CDH18: variants seen among roughly 807,000 people sequenced by gnomAD.
The protein encoded by CDH18 is cadherin-18.
In CDH18, 31 loss-of-function variants were observed where a neutral mutation model predicts 67.9. The observed-to-expected ratio is 0.46, with a 90% CI of 0.34 to 0.62. CDH18 has a LOEUF of 0.62. Ranked by LOEUF, CDH18 falls within the 20% of genes least tolerant of loss-of-function variation. The pLI is 0.01. For missense variants in CDH18, 890 were observed against 975.5 expected (o/e 0.91, Z 1.17); for synonymous variants, 362 against 347.2 (o/e 1.04, Z -0.48).
intron 5 of CDH18, among the ~76,000 whole-genome samples, chr5:19,685,535 G>T (rs1291284349): frequency 6.6e-6 from 1 of 152,158 alleles, no homozygotes; most frequent in Non-Finnish European, 1.5e-5. Flanking sequence ...ACTGATGTGT[G>T]GGAAAATATT....
chr5:20,357,969 A>G (rs1199920807), intron 1 of CDH18, among the ~76,000 whole-genome samples: 1 of 152,236 alleles, frequency 6.6e-6, no homozygotes, highest in Non-Finnish European at 1.5e-5. Context: ...CTATGCAGCC[A>G]TAAAAAATGA....
intron 2 of CDH18, among the ~76,000 whole-genome samples, chr5:20,091,451 C>T (rs1374262624): frequency 6.6e-6 from 1 of 152,088 alleles, no homozygotes; most frequent in African/African-American, 2.4e-5. Context: ...TAATTGGGCT[C>T]CAGCCTGACT....
chr5:20,216,978 G>A lies in CDH18; in HGVS notation c.-518+38466C>T, dbSNP rs1277838225. 1.1e-4 allele frequency among the ~76,000 whole-genome samples: 16 copies of A among 151,732 alleles called. No individual in the cohort carries two copies. The South Asian group carries it at 3.3e-3, about 31-fold the overall frequency. On this transcript the variant is annotated intron_variant, in intron 2 of 14. Coordinates refer to the CDH18 transcript ENST00000507958. Reference sequence around the variant, plus strand: ...CTTATTAGCCAGAAAAAAGTGGCATGACATATTTAAAGTGCTAAAGGAAAA... The same window carrying A: ...CTTATTAGCCAGAAAAAAGTGGCATAACATATTTAAAGTGCTAAAGGAAAA...
At chr5:19,474,396 A>T (rs1579652422) in intron 12 of CDH18, among the ~76,000 whole-genome samples, 1 of 152,134 alleles carries the variant, frequency 6.6e-6, no homozygotes. Context: ...TTATTTATTT[A>T]ATTCTCACAG....
chr5:20,503,667 A>G (rs1754472310), intron 1 of CDH18, among the ~76,000 whole-genome samples: 1 of 152,240 alleles, frequency 6.6e-6, no homozygotes, highest in Non-Finnish European at 1.5e-5. Context: ...TTATCATTAT[A>G]TGCAGCCAAT....
chr5:19,919,540 G>A (rs966362339), intron 2 of CDH18, among the ~76,000 whole-genome samples: 4 of 152,162 alleles, frequency 2.6e-5, no homozygotes, highest in African/African-American at 9.7e-5. Context: ...TCCAGTTGAT[G>A]TTTGCAAAGG....
At chr5:19,572,934 A>C (rs1741694126) in intron 7 of CDH18, among the ~76,000 whole-genome samples, 1 of 152,170 alleles carries the variant, frequency 6.6e-6, no homozygotes, top group Admixed American at 6.5e-5. Flanking sequence ...ATTGCCTTGG[A>C]AAATTGGCCT....
At chr5:20,046,963 C>T (rs1156477841) in intron 2 of CDH18, among the ~76,000 whole-genome samples, 1 of 151,814 alleles carries the variant, frequency 6.6e-6, no homozygotes, top group African/African-American at 2.4e-5. Flanking sequence ...ATGTAACTAA[C>T]CTGCACGTTG....
chr5:19,914,985 A>G (rs1325584979), intron 2 of CDH18, among the ~76,000 whole-genome samples: 1 of 152,172 alleles, frequency 6.6e-6, no homozygotes, highest in East Asian at 1.9e-4. Flanking sequence ...GGAAAGAATT[A>G]ACCTTACTAA....
At chr5:19,654,869 C>T (rs1409300050) in intron 5 of CDH18, among the ~76,000 whole-genome samples, 1 of 152,120 alleles carries the variant, frequency 6.6e-6, no homozygotes, top group Non-Finnish European at 1.5e-5. Flanking sequence ...CAGCCATTCT[C>T]CCCTCCAACC....
chr5:19,960,742 C>T (rs905209243), intron 2 of CDH18, among the ~76,000 whole-genome samples: 5 of 128,278 alleles, frequency 3.9e-5, no homozygotes, highest in African/African-American at 1.6e-4. Flanking sequence ...TATACGTATA[C>T]ACGTGTATAT....
intron 2 of CDH18, among the ~76,000 whole-genome samples, chr5:20,027,865 T>G (rs555960449): frequency 5.3e-5 from 8 of 152,336 alleles, no homozygotes; most frequent in African/African-American, 1.9e-4. Context: ...GTAATTGAAC[T>G]CTTTTTCTCC....
intron 3 of CDH18, among the ~76,000 whole-genome samples, chr5:19,829,291 A>T (rs1486970714): frequency 1.3e-5 from 2 of 152,186 alleles, no homozygotes; most frequent in African/African-American, 4.8e-5. Flanking sequence ...TGCAAATGAT[A>T]TAATCCTATA....
chr5:20,299,951 T>C (rs892657255), intron 1 of CDH18, among the ~76,000 whole-genome samples: 3 of 151,968 alleles, frequency 2.0e-5, no homozygotes, highest in Non-Finnish European at 4.4e-5. Flanking sequence ...AATGTGTTGT[T>C]CTATAAATAG....
At chr5:19,756,048 C>T (rs1272833601) in intron 3 of CDH18, among the ~76,000 whole-genome samples, 1 of 152,140 alleles carries the variant, frequency 6.6e-6, no homozygotes, top group African/African-American at 2.4e-5. Flanking sequence ...GTTGAACCCA[C>T]ACACATCTCC....
intron 1 of CDH18, among the ~76,000 whole-genome samples, chr5:20,414,816 C>CA (rs1456131128): frequency 2.0e-5 from 3 of 151,994 alleles, no homozygotes; most frequent in African/African-American, 7.3e-5. Flanking sequence ...ACAACAACAG[C>CA]AATAGCAACC....
chr5:20,541,274 C>A (rs1242253389), intron 1 of CDH18, among the ~76,000 whole-genome samples: 4 of 152,058 alleles, frequency 2.6e-5, no homozygotes, highest in Non-Finnish European at 5.9e-5. Context: ...ACTTAGAAAG[C>A]TTTTTTGTTT....
intron 2 of CDH18, among the ~76,000 whole-genome samples, chr5:19,927,376 C>T (rs1304734591): frequency 6.6e-6 from 1 of 152,068 alleles, no homozygotes; most frequent in Admixed American, 6.6e-5. Context: ...GACTCTTGCC[C>T]TCACTTAAAA....
intron 1 of CDH18, among the ~76,000 whole-genome samples, chr5:20,490,067 TATA>T (rs1256019128): frequency 1.0e-4 from 15 of 150,418 alleles, no homozygotes; most frequent in East Asian, 5.8e-4. Flanking sequence ...ATAAAATTGC[TATA>T]ATAATATAAT....
Sources: allele counts gnomAD v4.1 joint callset (sites outside exome capture counted in the v4.1 genomes callset), GRCh38; gene constraint gnomAD v4.1.1; transcripts MANE v1.5; gene names NCBI Gene and HGNC (gene_info 2026-07-23, HGNC 2026-07-21).